GUCY1A2: variants seen among roughly 807,000 people sequenced by gnomAD.
The protein encoded by GUCY1A2 is guanylate cyclase soluble subunit alpha-2.
GUCY1A2 carries 27 observed loss-of-function variants against 63.5 expected under a neutral mutation model. That is an observed-to-expected ratio of 0.43 (90% CI 0.31 to 0.59). The LOEUF (loss-of-function observed/expected upper bound fraction) is 0.59. Among genes scored for constraint, GUCY1A2 ranks in the 20% least tolerant of loss-of-function variants. GUCY1A2 has a pLI of 0.11. For missense variants in GUCY1A2, 768 were observed against 913.3 expected, an observed-to-expected ratio of 0.84 and a Z score of 2.05; for synonymous variants, 364 against 343.5, an observed-to-expected ratio of 1.06 and a Z score of -0.66.
At chr11:106,693,111 G>A (rs1193959738) in intron 7 of GUCY1A2, among the ~76,000 whole-genome samples, 1 of 152,160 alleles carries the variant, frequency 6.6e-6, no homozygotes, top group African/African-American at 2.4e-5. Flanking sequence ...TCACTACCCA[G>A]CTACTGCTCA....
chr11:106,685,061 T>G lies in GUCY1A2; in HGVS notation c.*2488A>C, dbSNP rs1862500305. The G allele has an allele frequency of 9.7e-6, 2 of 206,262 alleles. No individual in the cohort carries two copies. Among genetic ancestry groups the G allele is most frequent in the Non-Finnish European group, 2.0e-5 (2 of 101,020 alleles). The allele number at this position is 206,262 out of a possible 1,614,324, so 12.8% of individuals were successfully genotyped here. The stretch of plus-strand genomic sequence containing the variant: ...TTGTAACTACAATAATCAACTATAA[T>G]AGATTAGCAAAATGATAACAAATTG... On this transcript the variant is annotated 3_prime_UTR_variant, in exon 8 of 8. Coordinates refer to ENST00000526355, the MANE Select transcript of GUCY1A2 (RefSeq NM_000855.3).
At position 106,684,862 on chromosome 11, in the gene GUCY1A2, T is replaced by C. The variant is rs918422153; in HGVS notation, c.*2687A>G. On this transcript the variant is annotated 3_prime_UTR_variant, in exon 8 of 8. Coordinates refer to ENST00000526355, the MANE Select transcript of GUCY1A2 (RefSeq NM_000855.3). ...GAATACTGTATAGATAAAAGTCATA[T>C]GAAATAACAAATGCCACCACATTGT... The C allele has an allele frequency of 6.2e-5, 13 of 208,118 alleles. No homozygotes were observed. Among genetic ancestry groups the C allele is most frequent in the Middle Eastern group, 1.5e-3 (1 of 660 alleles). 12.9% of individuals were successfully genotyped at this position (208,118 alleles called of 1,614,324 possible).
chr11:106,934,314 GGT>G (rs1860646148), intron 4 of GUCY1A2, among the ~76,000 whole-genome samples: 1 of 151,934 alleles, frequency 6.6e-6, no homozygotes, highest in Admixed American at 6.6e-5. Flanking sequence ...CATCACTAAA[GGT>G]AACTACAGTT....
At chr11:106,893,862 G>A (rs953966327) in intron 4 of GUCY1A2, among the ~76,000 whole-genome samples, 5 of 152,088 alleles carry the variant, frequency 3.3e-5, no homozygotes, top group African/African-American at 1.2e-4. Flanking sequence ...AACTCCAGGG[G>A]CACCCAGTCA....
At chr11:106,886,390 A>C (rs1460373944) in intron 4 of GUCY1A2, among the ~76,000 whole-genome samples, 1 of 152,158 alleles carries the variant, frequency 6.6e-6, no homozygotes, top group East Asian at 1.9e-4. Flanking sequence ...AGATATCTGA[A>C]ACACAAATAA....
At chr11:106,794,497 TAC>T (rs10560155) in intron 5 of GUCY1A2, among the ~76,000 whole-genome samples, 121,050 of 150,134 alleles carry the variant, frequency 0.81, 49,558 homozygotes, top group East Asian at 0.88. Context: ...ATGTCCTCAC[TAC>T]ACACACACAC....
intron 4 of GUCY1A2, among the ~76,000 whole-genome samples, chr11:106,876,700 C>A (rs945128449): frequency 6.6e-6 from 1 of 152,116 alleles, no homozygotes; most frequent in East Asian, 1.9e-4. Context: ...CTTATACCAG[C>A]CTGCTTAGCA....
At chr11:106,907,590 G>A (rs1000741901) in intron 4 of GUCY1A2, among the ~76,000 whole-genome samples, 1 of 151,424 alleles carries the variant, frequency 6.6e-6, no homozygotes. Flanking sequence ...AGAGTGTGAT[G>A]TTCCCCTTCC....
rs1374981566 is a variant in GUCY1A2, at chr11:106,682,001, G to T, written c.*5548C>A. The T allele has an allele frequency of 2.4e-5, 5 of 212,332 alleles. No homozygotes were observed. In the East Asian group the frequency reaches 3.5e-4, roughly 15 times the overall value. 13.2% of individuals were successfully genotyped at this position (212,332 alleles called of 1,614,324 possible). On this transcript the variant is annotated 3_prime_UTR_variant, in exon 8 of 8. Transcript: ENST00000526355. ...CCCAAAGGTCATAGTTTTTACCTCGGTGGTGAGGATTAGCAAATGTTGTAA... is the reference window on the plus strand; with the variant it reads ...CCCAAAGGTCATAGTTTTTACCTCGTTGGTGAGGATTAGCAAATGTTGTAA...
intron 1 of GUCY1A2, among the ~76,000 whole-genome samples, chr11:107,009,427 G>A (rs117584156): frequency 0.013 from 2,054 of 152,282 alleles, 29 homozygotes; most frequent in South Asian, 0.045. Flanking sequence ...AAATGCTGGT[G>A]ATAATGTCAA....
chr11:106,827,425 C>T (rs1161335408), intron 4 of GUCY1A2: 16 of 1,465,674 alleles, frequency 1.1e-5, no homozygotes, highest in Non-Finnish European at 1.4e-5. Flanking sequence ...AAGTGCGATA[C>T]CACCGTTCCC....
intron 4 of GUCY1A2, among the ~76,000 whole-genome samples, chr11:106,861,277 T>C (rs1859508279): frequency 6.8e-6 from 1 of 146,504 alleles, no homozygotes; most frequent in Non-Finnish European, 1.5e-5. Flanking sequence ...AGAAATGTTA[T>C]TTCATTTTCT....
At chr11:106,973,533 A>G (rs796379356) in intron 3 of GUCY1A2, among the ~76,000 whole-genome samples, 4 of 152,260 alleles carry the variant, frequency 2.6e-5, no homozygotes, top group African/African-American at 9.6e-5. Context: ...AGAGCAAAGC[A>G]CTAAGCAAAA....
intron 5 of GUCY1A2, among the ~76,000 whole-genome samples, chr11:106,808,564 T>A (rs1858722737): frequency 6.6e-6 from 1 of 152,144 alleles, no homozygotes; most frequent in Non-Finnish European, 1.5e-5. Context: ...ATTCCCATGT[T>A]TTTTCCAGAG....
intron 4 of GUCY1A2, among the ~76,000 whole-genome samples, chr11:106,907,674 T>C (rs1044721870): frequency 1.3e-5 from 2 of 152,092 alleles, no homozygotes; most frequent in Non-Finnish European, 2.9e-5. Context: ...TTTGTCCTTG[T>C]GATAGTTTAC....
chr11:106,972,431 C>A (rs927920727), intron 3 of GUCY1A2, among the ~76,000 whole-genome samples: 1 of 151,954 alleles, frequency 6.6e-6, no homozygotes, highest in African/African-American at 2.4e-5. Context: ...GAAAAGAGAA[C>A]AAAAGACAAC....
At chr11:106,752,632 T>C (rs891049312) in intron 6 of GUCY1A2, among the ~76,000 whole-genome samples, 2 of 152,174 alleles carry the variant, frequency 1.3e-5, no homozygotes, top group Non-Finnish European at 2.9e-5. Flanking sequence ...GTCCTTGTGA[T>C]AGTTTGCTGA....
chr11:106,845,354 C>A (rs999161425), intron 4 of GUCY1A2, among the ~76,000 whole-genome samples: 8 of 151,382 alleles, frequency 5.3e-5, no homozygotes, highest in African/African-American at 1.9e-4. Context: ...TGCTCCCCCT[C>A]TTCTTTCAGA....
At chr11:106,907,261 G>A (rs1860223280) in intron 4 of GUCY1A2, among the ~76,000 whole-genome samples, 1 of 151,962 alleles carries the variant, frequency 6.6e-6, no homozygotes, top group African/African-American at 2.4e-5. Flanking sequence ...GCTTGCCATA[G>A]TTGTGCCTGA....
Sources: gnomAD v4.1 joint callset for allele counts (sites outside exome capture counted in the v4.1 genomes callset) on GRCh38, gnomAD v4.1.1 for gene constraint, MANE v1.5 for transcripts, NCBI Gene and HGNC (gene_info 2026-07-23, HGNC 2026-07-21) for gene names.